Variants in CNBD1 observed in about 807,000 individuals in gnomAD.
The protein encoded by CNBD1 is cyclic nucleotide binding domain containing 1.
Under a neutral mutation model 54.4 loss-of-function variants are expected in CNBD1, and 71 were observed. That is an observed-to-expected ratio of 1.30 (90% confidence interval 1.08 to 1.59). CNBD1 has a LOEUF of 1.59. CNBD1 is among the 40% of genes most tolerant of loss of function. The pLI, the probability that CNBD1 is intolerant of heterozygous loss-of-function variation, is 0.00. For missense variants in CNBD1, 659 were observed against 518.0 expected, an observed-to-expected ratio of 1.27 and a Z score of -2.64; for synonymous variants, 182 against 170.7, an observed-to-expected ratio of 1.07 and a Z score of -0.51.
chr8:87,139,669 G>T (rs976757220), intron 4 of CNBD1, among the ~76,000 whole-genome samples: 1 of 152,110 alleles, frequency 6.6e-6, no homozygotes, highest in Non-Finnish European at 1.5e-5. Context: ...GTAGATGGAA[G>T]AGGCAGCCAT....
chr8:86,946,561 C>G lies in CNBD1; in HGVS notation c.431+6807C>G, dbSNP rs1807470617. Among the ~76,000 whole-genome samples the G allele has an allele frequency of 3.9e-5, 6 of 152,022 alleles. No individual in the cohort carries two copies. In the South Asian group the frequency reaches 1.2e-3, roughly 32 times the overall value. ...TGACATAGTTTTGCCTCTTATTTTT[C>G]CATAGAAATGTCTTAGTAAGTATTT... is the stretch of plus-strand genomic sequence containing the variant. On this transcript the variant is annotated intron_variant, in intron 4 of 10. Transcript: ENST00000518476.
At chr8:87,291,653 G>T (rs990636363) in intron 8 of CNBD1, among the ~76,000 whole-genome samples, 12 of 151,908 alleles carry the variant, frequency 7.9e-5, no homozygotes, top group African/African-American at 2.7e-4. Context: ...TATTTTTTGG[G>T]GTGAGGGGGC....
intron 4 of CNBD1, among the ~76,000 whole-genome samples, chr8:87,085,428 CT>C (rs1004164513): frequency 5.9e-5 from 9 of 151,804 alleles, no homozygotes; most frequent in South Asian, 4.2e-4. Flanking sequence ...TTTATTGAGT[CT>C]TTTTTTTATT....
intron 10 of CNBD1, among the ~76,000 whole-genome samples, chr8:87,368,159 CT>C: frequency 8.9e-6 from 1 of 112,664 alleles, no homozygotes; most frequent in Non-Finnish European, 1.9e-5. Context: ...GAGATTCCAT[CT>C]AAAAAGAAAA....
chr8:87,186,688 T>G (rs575652147), intron 4 of CNBD1, among the ~76,000 whole-genome samples: 324 of 152,142 alleles, frequency 2.1e-3, no homozygotes, highest in African/African-American at 7.5e-3. Flanking sequence ...TTTAAATTTC[T>G]TTTTGAATTC....
intron 2 of CNBD1, among the ~76,000 whole-genome samples, chr8:87,427,641 A>G (rs552412094): frequency 1.3e-5 from 2 of 152,314 alleles, no homozygotes; most frequent in South Asian, 4.1e-4. Flanking sequence ...ATGTTTATAT[A>G]AATAATTTAA....
intron 4 of CNBD1, among the ~76,000 whole-genome samples, chr8:87,002,868 CTG>C (rs1218171390): frequency 2.6e-5 from 4 of 152,076 alleles, no homozygotes; most frequent in Non-Finnish European, 5.9e-5. Flanking sequence ...TTCTTGTTGA[CTG>C]TGGTATTCCA....
At chr8:86,881,870 A>G (rs938975518) in intron 1 of CNBD1, among the ~76,000 whole-genome samples, 4 of 152,192 alleles carry the variant, frequency 2.6e-5, no homozygotes, top group African/African-American at 9.7e-5. Context: ...CCACACATCT[A>G]TAACTATCTG....
At chr8:86,891,758 A>G (rs1196716069) in intron 2 of CNBD1, among the ~76,000 whole-genome samples, 1 of 151,990 alleles carries the variant, frequency 6.6e-6, no homozygotes, top group African/African-American at 2.4e-5. Context: ...TTCTTTCATT[A>G]GTGTTTCAGT....
chr8:87,303,450 C>T (rs912013412), intron 8 of CNBD1, among the ~76,000 whole-genome samples: 39 of 151,776 alleles, frequency 2.6e-4, no homozygotes, highest in Admixed American at 4.6e-4. Flanking sequence ...AAAGCTGAAA[C>T]TGAATCCCTT....
chr8:87,154,863 G>A (rs1409741948), intron 4 of CNBD1, among the ~76,000 whole-genome samples: 1 of 152,020 alleles, frequency 6.6e-6, no homozygotes, highest in Non-Finnish European at 1.5e-5. Flanking sequence ...CCAGGTGAAA[G>A]GTACTCCATT....
At chr8:87,297,201 A>C (rs1318754065) in intron 8 of CNBD1, among the ~76,000 whole-genome samples, 1 of 151,188 alleles carries the variant, frequency 6.6e-6, no homozygotes, top group African/African-American at 2.4e-5. Context: ...AAATTAAATA[A>C]TATATTTTAT....
intron 2 of CNBD1, among the ~76,000 whole-genome samples, chr8:87,390,905 G>A (rs1320719098): frequency 6.6e-6 from 1 of 152,232 alleles, no homozygotes; most frequent in Admixed American, 6.5e-5. Flanking sequence ...GTAATACTAT[G>A]CAGCCATAAA....
intron 5 of CNBD1, among the ~76,000 whole-genome samples, chr8:87,231,272 A>G (rs1332284730): frequency 6.6e-6 from 1 of 152,218 alleles, no homozygotes; most frequent in East Asian, 1.9e-4. Context: ...GTCACATGCT[A>G]AATAACACAC....
At chr8:87,337,237 T>C (rs1264413807) in intron 8 of CNBD1, among the ~76,000 whole-genome samples, 1 of 151,798 alleles carries the variant, frequency 6.6e-6, no homozygotes, top group African/African-American at 2.4e-5. Context: ...TGGTGGAGGG[T>C]GTTTGCTGTG....
chr8:87,319,026 A>G (rs1782466416), intron 8 of CNBD1, among the ~76,000 whole-genome samples: 1 of 152,130 alleles, frequency 6.6e-6, no homozygotes, highest in South Asian at 2.1e-4. Flanking sequence ...AAATAAAATC[A>G]TGGGTTCATT....
downstream of CNBD1, among the ~76,000 whole-genome samples, chr8:87,384,245 T>C (rs1019292660): frequency 2.0e-5 from 3 of 152,154 alleles, 1 homozygote; most frequent in Admixed American, 2.0e-4. Context: ...TTAAGATATA[T>C]GCTTCATCTT....
chr8:87,406,482 T>TACACGC (rs1563589764), intron 2 of CNBD1, among the ~76,000 whole-genome samples: 1 of 142,968 alleles, frequency 7.0e-6, no homozygotes, highest in African/African-American at 2.8e-5. Flanking sequence ...ACACACACTT[T>TACACGC]TTTTTTTTTT....
chr8:87,016,058 T>G (rs900913378), intron 4 of CNBD1, among the ~76,000 whole-genome samples: 3 of 149,600 alleles, frequency 2.0e-5, no homozygotes, highest in African/African-American at 7.4e-5. Flanking sequence ...CACGTGGAAG[T>G]AATATTTCAC....
Sources: allele counts gnomAD v4.1 joint callset (sites outside exome capture counted in the v4.1 genomes callset), GRCh38; gene constraint gnomAD v4.1.1; transcripts MANE v1.5; gene names NCBI Gene and HGNC (gene_info 2026-07-23, HGNC 2026-07-21).